ZNF536: variants seen among roughly 807,000 people sequenced by gnomAD.
ZNF536 encodes the protein zinc finger protein 536.
A neutral mutation model predicts 84.5 loss-of-function variants in ZNF536; 13 were observed. That is an observed-to-expected ratio of 0.15 (90% CI 0.10 to 0.24). ZNF536 has a LOEUF of 0.24. Among genes scored for constraint, ZNF536 ranks in the 10% least tolerant of loss-of-function variants. The pLI is 1.00. For missense variants in ZNF536, 1,536 were observed against 1,747.5 expected, an observed-to-expected ratio of 0.88 and a Z score of 2.16; for synonymous variants, 811 against 742.5, an observed-to-expected ratio of 1.09 and a Z score of -1.50.
chr19:30,609,887 C>T (rs1052420505), intron 1 of ZNF536, among the ~76,000 whole-genome samples: 12 of 145,332 alleles, frequency 8.3e-5, no homozygotes, highest in African/African-American at 1.3e-4. Flanking sequence ...TCCATCCATC[C>T]ACCCATTTAT....
chr19:30,545,558 C>T (rs560519435), intron 3 of ZNF536, among the ~76,000 whole-genome samples: 20 of 151,922 alleles, frequency 1.3e-4, no homozygotes, highest in Admixed American at 5.2e-4. Flanking sequence ...CCACCACGCC[C>T]GGCTAATTGT....
chr19:30,407,117 A>G (rs1025411051), intron 1 of ZNF536, among the ~76,000 whole-genome samples: 2 of 152,226 alleles, frequency 1.3e-5, no homozygotes, highest in Admixed American at 1.3e-4. Context: ...CACCGGAACC[A>G]GGGAGCCAGC....
At chr19:30,324,151 A>G (rs1238462503) in intron 2 of ZNF536, among the ~76,000 whole-genome samples, 3 of 151,606 alleles carry the variant, frequency 2.0e-5, no homozygotes, top group African/African-American at 7.3e-5. Context: ...TCATCCATCC[A>G]TCCATCCACC....
chr19:30,267,742 C>T (rs2025589484), intron 1 of ZNF536, among the ~76,000 whole-genome samples: 1 of 152,186 alleles, frequency 6.6e-6, no homozygotes, highest in African/African-American at 2.4e-5. Flanking sequence ...ATTTTTTCCT[C>T]TGTTTGACCC....
chr19:30,311,939 G>A (rs2046519029), intron 2 of ZNF536, among the ~76,000 whole-genome samples: 1 of 152,098 alleles, frequency 6.6e-6, no homozygotes, highest in Non-Finnish European at 1.5e-5. Context: ...GAGGTGGTGT[G>A]CACCTGTCAG....
intron 2 of ZNF536, among the ~76,000 whole-genome samples, chr19:30,491,835 C>T (rs1343357103): frequency 2.8e-5 from 4 of 145,348 alleles, no homozygotes; most frequent in African/African-American, 1.0e-4. Flanking sequence ...CTTTCCTTTT[C>T]TTTTTTTTTT....
chr19:30,402,917 G>T (rs2050113565), intron 1 of ZNF536, among the ~76,000 whole-genome samples: 1 of 151,184 alleles, frequency 6.6e-6, no homozygotes. Context: ...CATTTGCAGA[G>T]ACAAAGGCTT....
Position 30,444,054 on chromosome 19 carries a change from C to T in ZNF536, c.492C>T (p.Asp164=), listed in dbSNP as rs763191371. Residue 164 remains aspartate, a synonymous_variant, in exon 2 of 5, where the codon GAC becomes GAT. Transcript: ENST00000355537. ...AGCCCTTCAAGTGCCCGTACTGCGACCACAGGGCGGCGCAGAAGGGGAACC... is the reference window on the plus strand; with the variant it reads ...AGCCCTTCAAGTGCCCGTACTGCGATCACAGGGCGGCGCAGAAGGGGAACC... The part of the protein sequence containing the change: ...GEKPFKCPYC[D]HRAAQKGNLK... 6.2e-7 allele frequency: 1 copy of T among 1,613,606 alleles called. No homozygotes were observed. Among genetic ancestry groups the T allele is most frequent in the African/African-American group, 1.3e-5 (1 of 75,076 alleles).
At chr19:30,269,025 C>A (rs918494623) in intron 1 of ZNF536, among the ~76,000 whole-genome samples, 3 of 152,274 alleles carry the variant, frequency 2.0e-5, no homozygotes, top group Admixed American at 6.5e-5. Flanking sequence ...CAATGCAAGT[C>A]CCGCTCAGGT....
intron 2 of ZNF536, among the ~76,000 whole-genome samples, chr19:30,296,702 A>C (rs1318392410): frequency 1.3e-5 from 2 of 152,198 alleles, no homozygotes; most frequent in African/African-American, 4.8e-5. Flanking sequence ...GACATCATGC[A>C]AAAGCTGGTT....
intron 4 of ZNF536, among the ~76,000 whole-genome samples, chr19:30,550,327 G>C (rs1458617022): frequency 1.3e-5 from 2 of 152,192 alleles, no homozygotes; most frequent in Non-Finnish European, 2.9e-5. Flanking sequence ...GTAAGTTTAA[G>C]GACTAGGTTT....
At chr19:30,547,880 C>T (rs2146169657) in intron 3 of ZNF536, 63 bp from the exon 4 acceptor site, 1 of 1,500,810 alleles carries the variant, frequency 6.7e-7, no homozygotes, top group Non-Finnish European at 8.9e-7. Flanking sequence ...ATCCTTCCAG[C>T]CTCGTTCAGC....
At chr19:30,337,801 G>A (rs923023604) in intron 2 of ZNF536, among the ~76,000 whole-genome samples, 2 of 152,168 alleles carry the variant, frequency 1.3e-5, no homozygotes, top group African/African-American at 4.8e-5. Flanking sequence ...GAAATGAAAT[G>A]TAATAACGCA....
chr19:30,247,586 T>C (rs1429564073), intron 1 of ZNF536, among the ~76,000 whole-genome samples: 1 of 151,868 alleles, frequency 6.6e-6, no homozygotes, highest in African/African-American at 2.4e-5. Context: ...CTTTGGGAAG[T>C]GGGAAGATGG....
At chr19:30,690,942 T>C (rs1311292314) in intron 1 of ZNF536, among the ~76,000 whole-genome samples, 5 of 152,178 alleles carry the variant, frequency 3.3e-5, no homozygotes, top group African/African-American at 7.2e-5. Context: ...AGCAAATCAT[T>C]GTAGAAGGAA....
chr19:30,365,124 A>G (rs1464830421), intron 3 of ZNF536, among the ~76,000 whole-genome samples: 1 of 152,248 alleles, frequency 6.6e-6, no homozygotes, highest in African/African-American at 2.4e-5. Flanking sequence ...TTATGAAATG[A>G]ACACGTAATT....
chr19:30,698,066 C>T (rs909038883), intron 1 of ZNF536, among the ~76,000 whole-genome samples: 3 of 152,206 alleles, frequency 2.0e-5, no homozygotes, highest in African/African-American at 7.2e-5. Context: ...CCATGGCAGG[C>T]GGATCACCTG....
chr19:30,617,366 T>TTTTA (rs869281886), intron 1 of ZNF536, among the ~76,000 whole-genome samples: 13 of 115,988 alleles, frequency 1.1e-4, no homozygotes, highest in Non-Finnish European at 1.6e-4. Flanking sequence ...TTTTTTTTTT[T>TTTTA]ATGAGATGGA....
At chr19:30,491,104 AG>A (rs1483613904) in intron 2 of ZNF536, among the ~76,000 whole-genome samples, 10 of 152,212 alleles carry the variant, frequency 6.6e-5, no homozygotes, top group Non-Finnish European at 1.5e-4. Context: ...TGATGTCGCT[AG>A]AGACAATGTT....
Sources: gnomAD v4.1 joint callset for allele counts (sites outside exome capture counted in the v4.1 genomes callset) on GRCh38, gnomAD v4.1.1 for gene constraint, MANE v1.5 for transcripts, NCBI Gene and HGNC (gene_info 2026-07-23, HGNC 2026-07-21) for gene names.